Variants in ROBO2 observed in about 807,000 individuals in gnomAD.
The protein encoded by ROBO2 is roundabout guidance receptor 2.
Under a neutral mutation model 160.8 loss-of-function variants are expected in ROBO2, and 53 were observed. That is an observed-to-expected ratio of 0.33 (90% CI 0.26 to 0.41). The LOEUF is 0.41. Ranked by LOEUF, ROBO2 falls within the 10% of genes least tolerant of loss-of-function variation. The pLI, the probability that ROBO2 is intolerant of heterozygous loss-of-function variation, is 1.00. For synonymous variants in ROBO2, 664 were observed against 611.7 expected, an observed-to-expected ratio of 1.09 and a Z score of -1.26; for missense variants, 1,577 against 1,722.4, an observed-to-expected ratio of 0.92 and a Z score of 1.49.
chr3:76,718,152 C>G (rs1007023950), intron 2 of ROBO2, among the ~76,000 whole-genome samples: 1 of 152,156 alleles, frequency 6.6e-6, no homozygotes, highest in Non-Finnish European at 1.5e-5. Context: ...TATAACAACT[C>G]TATATGGAAA....
rs896444283 is a variant in ROBO2 at position 76,424,026 on chromosome 3, A to C, written c.109+486424A>C. Among the ~76,000 whole-genome samples the C allele has an allele frequency of 8.5e-5, 13 of 152,288 alleles. 1 individual carries two copies. Among genetic ancestry groups the C allele is most frequent in the Admixed American group, 7.8e-4 (12 of 15,296 alleles). On this transcript the variant is annotated intron_variant, in intron 2 of 26. Transcript: ENST00000487694. ...TCCAAAACGTCGATGAATCAAGTTC[A>C]CATGGTTGTGATCTTGGATGAAAAA...
At chr3:76,067,945 G>T (rs2068314749) in intron 2 of ROBO2, among the ~76,000 whole-genome samples, 1 of 152,136 alleles carries the variant, frequency 6.6e-6, no homozygotes. Context: ...GAAAATTTGT[G>T]TTCTCTTAAA....
At chr3:76,486,375 G>T (rs933438963) in intron 2 of ROBO2, among the ~76,000 whole-genome samples, 14 of 152,128 alleles carry the variant, frequency 9.2e-5, no homozygotes, top group African/African-American at 3.4e-4. Context: ...ATGCTCGGTG[G>T]TTACGCAGAG....
intron 2 of ROBO2, among the ~76,000 whole-genome samples, chr3:76,325,353 C>G (rs1055515334): frequency 1.3e-5 from 2 of 152,090 alleles, no homozygotes; most frequent in Non-Finnish European, 2.9e-5. Flanking sequence ...CTATAGGATG[C>G]ATTTCTATAT....
intron 2 of ROBO2, among the ~76,000 whole-genome samples, chr3:77,295,000 A>T (rs2061877515): frequency 6.6e-6 from 1 of 151,680 alleles, no homozygotes; most frequent in South Asian, 2.1e-4. Context: ...TGACGGTTAA[A>T]CGGATAAGCT....
At chr3:76,525,320 T>C (rs2081891495) in intron 2 of ROBO2, among the ~76,000 whole-genome samples, 1 of 151,926 alleles carries the variant, frequency 6.6e-6, no homozygotes, top group Non-Finnish European at 1.5e-5. Context: ...ATGATCTTCT[T>C]GGTTTTATGT....
chr3:77,645,878 T>G (rs1246703106), intron 25 of ROBO2, among the ~76,000 whole-genome samples, 176 bp from the exon 28 acceptor site: 1 of 152,150 alleles, frequency 6.6e-6, no homozygotes, highest in South Asian at 2.1e-4. Flanking sequence ...TATAGTGTTT[T>G]CTTTCCTTTT....
chr3:76,283,166 A>ATATATATATAAC (rs1559717425), intron 2 of ROBO2, among the ~76,000 whole-genome samples: 1 of 144,032 alleles, frequency 6.9e-6, no homozygotes, highest in African/African-American at 2.5e-5. Flanking sequence ...CTACATATAT[A>ATATATATATAAC]TAGTGACCCC....
intron 2 of ROBO2, among the ~76,000 whole-genome samples, chr3:76,559,626 A>T (rs184161334): frequency 2.1e-4 from 32 of 152,226 alleles, no homozygotes; most frequent in African/African-American, 7.5e-4. Flanking sequence ...TAAGGGAAGG[A>T]TGAGCAATAT....
intron 2 of ROBO2, among the ~76,000 whole-genome samples, chr3:77,019,271 A>T (rs561329646): frequency 6.6e-6 from 1 of 152,192 alleles, no homozygotes; most frequent in African/African-American, 2.4e-5. Flanking sequence ...TTTGGTTCAT[A>T]AATGGCACTT....
intron 2 of ROBO2, among the ~76,000 whole-genome samples, chr3:76,397,156 C>G (rs572083743): frequency 1.6e-4 from 24 of 152,080 alleles, no homozygotes; most frequent in Admixed American, 4.6e-4. Flanking sequence ...ACAGAGCCCT[C>G]AGAAGTAACG....
chr3:77,297,192 G>C (rs1187287739), intron 2 of ROBO2, among the ~76,000 whole-genome samples: 2 of 152,048 alleles, frequency 1.3e-5, no homozygotes, highest in African/African-American at 4.8e-5. Context: ...CTTTCAACTT[G>C]GGCTACATGT....
intron 2 of ROBO2, among the ~76,000 whole-genome samples, chr3:77,216,580 G>C (rs143590327): frequency 0.017 from 2,568 of 152,192 alleles, 73 homozygotes; most frequent in African/African-American, 0.059. Flanking sequence ...TGCACTCACT[G>C]TCCTGCACCC....
chr3:76,361,919 T>C (rs943610639), intron 2 of ROBO2, among the ~76,000 whole-genome samples: 2 of 152,160 alleles, frequency 1.3e-5, no homozygotes, highest in African/African-American at 4.8e-5. Flanking sequence ...AAGTGTTAGA[T>C]TTATTACTCC....
At chr3:76,594,022 T>C (rs1385841737) in intron 2 of ROBO2, among the ~76,000 whole-genome samples, 1 of 152,038 alleles carries the variant, frequency 6.6e-6, no homozygotes, top group Non-Finnish European at 1.5e-5. Context: ...TAAAAGAAAG[T>C]ATGTTGTAAA....
At chr3:76,111,164 T>G (rs1055293366) in intron 2 of ROBO2, among the ~76,000 whole-genome samples, 1 of 152,042 alleles carries the variant, frequency 6.6e-6, no homozygotes, top group Non-Finnish European at 1.5e-5. Flanking sequence ...ACTGGTGTCA[T>G]TATATTAATA....
At chr3:76,189,502 A>T (rs1047466117) in intron 2 of ROBO2, among the ~76,000 whole-genome samples, 1 of 152,078 alleles carries the variant, frequency 6.6e-6, no homozygotes, top group Non-Finnish European at 1.5e-5. Context: ...TTTTTCAAAC[A>T]TATGTTCCCT....
At chr3:76,016,034 A>G (rs1345228856) in intron 2 of ROBO2, among the ~76,000 whole-genome samples, 1 of 152,218 alleles carries the variant, frequency 6.6e-6, no homozygotes, top group Non-Finnish European at 1.5e-5. Context: ...TCACCAAGCT[A>G]GTAAATACAC....
intron 2 of ROBO2, among the ~76,000 whole-genome samples, chr3:76,155,421 A>C (rs915137363): frequency 1.1e-4 from 17 of 152,190 alleles, no homozygotes; most frequent in Non-Finnish European, 2.4e-4. Context: ...AAAGAAAAAA[A>C]TGGAGAGAAA....
Sources: gnomAD v4.1 joint callset for allele counts (sites outside exome capture counted in the v4.1 genomes callset) on GRCh38, gnomAD v4.1.1 for gene constraint, MANE v1.5 for transcripts, NCBI Gene and HGNC (gene_info 2026-07-23, HGNC 2026-07-21) for gene names.